The following AKAP13 variants were observed in gnomAD, a reference collection of about 807,000 sequenced individuals.
The protein encoded by AKAP13 is A-kinase anchoring protein 13.
A neutral mutation model predicts 264.5 loss-of-function variants in AKAP13; 80 were observed. The ratio of observed to expected loss-of-function variants is 0.30; its 90% CI spans 0.25 to 0.36. The LOEUF (loss-of-function observed/expected upper bound fraction) is 0.36. Among genes scored for constraint, AKAP13 ranks in the 10% least tolerant of loss-of-function variants. The pLI is 1.00. For synonymous variants in AKAP13, 1,380 were observed against 1,250.2 expected, an observed-to-expected ratio of 1.10 and a Z score of -2.19; for missense variants, 3,712 against 3,435.2, an observed-to-expected ratio of 1.08 and a Z score of -2.01.
At chr15:85,531,383 T>A (rs867290356) in intron 3 of AKAP13, among the ~76,000 whole-genome samples, 1 of 152,246 alleles carries the variant, frequency 6.6e-6, no homozygotes, top group Non-Finnish European at 1.5e-5. Flanking sequence ...CTCCTTACTT[T>A]ACTCATCTTC....
intron 1 of AKAP13, among the ~76,000 whole-genome samples, chr15:85,406,952 C>T (rs2150857427): frequency 6.6e-6 from 1 of 151,832 alleles, no homozygotes; most frequent in East Asian, 1.9e-4. Context: ...TCCTAGGCCA[C>T]AAAGAGTATG....
chr15:85,647,005 C>G (rs972076416), intron 10 of AKAP13, among the ~76,000 whole-genome samples: 1 of 152,132 alleles, frequency 6.6e-6, no homozygotes, highest in East Asian at 1.9e-4. Flanking sequence ...TCTACCAACA[C>G]GGTTCCTTCT....
intron 4 of AKAP13, 44 bp downstream of exon 4, chr15:85,533,924 A>G: frequency 6.6e-7 from 1 of 1,507,798 alleles, no homozygotes; most frequent in Non-Finnish European, 8.9e-7. Context: ...AGTTTGTGAT[A>G]TTTCTACTTT....
intron 2 of AKAP13, among the ~76,000 whole-genome samples, chr15:85,509,372 G>A (rs1029812957): frequency 2.0e-5 from 3 of 152,118 alleles, no homozygotes; most frequent in Admixed American, 6.6e-5. Flanking sequence ...GCTTTGTAAT[G>A]GTATTGATTT....
intron 8 of AKAP13, among the ~76,000 whole-genome samples, chr15:85,630,054 G>T (rs2081634217): frequency 6.6e-6 from 1 of 151,772 alleles, no homozygotes; most frequent in East Asian, 1.9e-4. Flanking sequence ...TTTTGTATCT[G>T]CTTTGACTTC....
intron 17 of AKAP13, chr15:85,701,107 A>G (rs1447075555): frequency 1.3e-5 from 2 of 152,210 alleles, no homozygotes; most frequent in Non-Finnish European, 2.9e-5. Context: ...GAGTTTTTCT[A>G]GTATTTTGGA....
Position 85,736,111 on chromosome 15 carries a change from T to G in AKAP13, c.7534T>G (p.Phe2512Val). Residue 2512 changes from phenylalanine (F) to valine (V), a missense_variant, in exon 33 of 37, where the codon TTT becomes GTT. By Grantham distance (50) the Phe-to-Val change is conservative. Transcript: ENST00000394518. ...ATAGGGTGGAAATGCTAACCTGGTA[T>G]TTATGCTTAAAAGAAACAGTGAGGT... The part of the protein sequence containing the change: ...LKKGGNANLV[F>V]MLKRNSEQVV... 1 of 1,606,874 alleles carries G rather than the reference T, an allele frequency of 6.2e-7. No individual in the cohort carries two copies. The highest frequency in any genetic ancestry group is 8.5e-7 in the Non-Finnish European group (1 of 1,173,678).
intron 8 of AKAP13, among the ~76,000 whole-genome samples, chr15:85,631,841 A>G (rs1388194549): frequency 6.6e-6 from 1 of 152,228 alleles, no homozygotes; most frequent in African/African-American, 2.4e-5. Flanking sequence ...TTGTTACAAA[A>G]TAAGTTTATC....
intron 1 of AKAP13, among the ~76,000 whole-genome samples, chr15:85,394,383 T>C (rs1247233851): frequency 6.6e-6 from 1 of 152,200 alleles, no homozygotes; most frequent in Admixed American, 6.5e-5. Context: ...ACCTGGGTCA[T>C]GTAATGCAAC....
At chr15:85,544,711 A>G (rs2077678015) in intron 5 of AKAP13, among the ~76,000 whole-genome samples, 1 of 152,218 alleles carries the variant, frequency 6.6e-6, no homozygotes, top group African/African-American at 2.4e-5. Flanking sequence ...AGTTTCAAGA[A>G]TAGTTTCTGT....
rs750818841 is a variant in AKAP13, at chr15:85,580,564, G to A, written c.2496G>A (p.Ser832=). 17 of 1,614,152 alleles carry A rather than the reference G, an allele frequency of 1.1e-5. No individual in the cohort carries two copies. Among genetic ancestry groups the A allele is most frequent in the Non-Finnish European group, 1.3e-5 (15 of 1,180,032 alleles). The change falls in exon 7 of 37, where the codon TCG becomes TCA. Residue 832 remains serine (S), a synonymous_variant. Coordinates refer to ENST00000394518, the MANE Select transcript of AKAP13 (RefSeq NM_007200.5). ...TDYRDGPDGN[S]NEPDTRPLED... is the part of the protein sequence containing the mutation. ...ATAGAGATGGCCCAGATGGAAATTCGAATGAGCCTGATACGCGGCCACTAG... is the reference window on the plus strand; with the variant it reads ...ATAGAGATGGCCCAGATGGAAATTCAAATGAGCCTGATACGCGGCCACTAG...
intron 35 of AKAP13, 59 bp downstream of exon 35, chr15:85,741,554 T>G: frequency 6.7e-7 from 1 of 1,503,580 alleles, no homozygotes; most frequent in Admixed American, 2.3e-5. Context: ...ACCCCCTGTG[T>G]ATTAAGCAAG....
At chr15:85,607,132 A>G (rs1326191682) in intron 8 of AKAP13, among the ~76,000 whole-genome samples, 1 of 151,616 alleles carries the variant, frequency 6.6e-6, no homozygotes, top group East Asian at 1.9e-4. Context: ...CTTTTAAAGA[A>G]GTACTTCTTT....
At chr15:85,408,099 A>G (rs1477341532) in intron 1 of AKAP13, among the ~76,000 whole-genome samples, 3 of 151,706 alleles carry the variant, frequency 2.0e-5, no homozygotes, top group South Asian at 4.1e-4. Flanking sequence ...ACTGAGGGGC[A>G]TGATTCATTC....
Position 85,727,177 on chromosome 15 carries a change from G to A in AKAP13, c.6934G>A (p.Glu2312Lys). 6.2e-7 allele frequency: 1 copy of A among 1,614,208 alleles called. No homozygotes were observed. The highest frequency in any genetic ancestry group is 8.5e-7 in the Non-Finnish European group (1 of 1,180,032). ...SMGMTDPEMVEVHASSKEERN... is the reference protein window; with the variant it reads ...SMGMTDPEMVKVHASSKEERN... ...GGGGATGACAGATCCAGAGATGGTAGAAGTCCATGCCAGCTCCAAAGAGGA... is the reference window on the plus strand; with the variant it reads ...GGGGATGACAGATCCAGAGATGGTAAAAGTCCATGCCAGCTCCAAAGAGGA... Residue 2312 changes from glutamate to lysine, a missense_variant, in exon 28 of 37, where the codon GAA (glutamate) becomes AAA (lysine). Glu to Lys is a moderately conservative substitution (Grantham distance 56, BLOSUM62 1). Coordinates refer to ENST00000394518, the MANE Select transcript of AKAP13 (RefSeq NM_007200.5). This position sits in a 1 kb window ranked among gnomAD's most constrained non-coding sequence, Gnocchi z 5.3.
chr15:85,631,047 G>A (rs1236434279), intron 8 of AKAP13, among the ~76,000 whole-genome samples: 1 of 151,592 alleles, frequency 6.6e-6, no homozygotes, highest in Non-Finnish European at 1.5e-5. Flanking sequence ...GATGCATATA[G>A]ATAAGTAAAA....
chr15:85,639,056 T>G (rs908106966), intron 8 of AKAP13, among the ~76,000 whole-genome samples: 2 of 152,174 alleles, frequency 1.3e-5, no homozygotes, highest in African/African-American at 2.4e-5. Context: ...ACACCAAATA[T>G]GTATTTTAAT....
chr15:85,741,011 C>T, intron 34 of AKAP13, 35 bp from the exon 35 acceptor site: 1 of 1,571,766 alleles, frequency 6.4e-7, no homozygotes, highest in Non-Finnish European at 8.6e-7. Context: ...TCGTCCTGGC[C>T]AGAGTTGCAG....
chr15:85,586,751 C>T (rs981442266), intron 8 of AKAP13, among the ~76,000 whole-genome samples: 1 of 151,882 alleles, frequency 6.6e-6, no homozygotes, highest in African/African-American at 2.4e-5. Context: ...CATGGTGAAA[C>T]CCTGTTTTTA....
Sources: gnomAD v4.1 joint callset for allele counts (sites outside exome capture counted in the v4.1 genomes callset) on GRCh38, gnomAD v4.1.1 for gene constraint, Gnocchi (gnomAD v3.1) non-coding constraint, MANE v1.5 for transcripts, NCBI Gene and HGNC (gene_info 2026-07-23, HGNC 2026-07-21) for gene names.